The following MGST1 variants were observed in gnomAD, a reference collection of about 807,000 sequenced individuals.
MGST1 encodes the protein glutathione S-transferase 12.
MGST1 carries 5 observed loss-of-function variants against 8.9 expected under a neutral mutation model. That is an observed-to-expected ratio of 0.56 (90% CI 0.29 to 1.19). The LOEUF (loss-of-function observed/expected upper bound fraction) is 1.19. MGST1 is among the 50% of genes most tolerant of loss of function. MGST1 has a pLI of 0.08. For synonymous variants in MGST1, 54 were observed against 67.8 expected, an observed-to-expected ratio of 0.80 and a Z score of 1.00; for missense variants, 182 against 187.4, an observed-to-expected ratio of 0.97 and a Z score of 0.17.
At chr12:16,393,265 G>A (rs1207077435) in intron 1 of MGST1, among the ~76,000 whole-genome samples, 1 of 152,170 alleles carries the variant, frequency 6.6e-6, no homozygotes, top group Non-Finnish European at 1.5e-5. Context: ...TGGTAGGAGA[G>A]TTTTCCCCAA....
At chr12:16,570,824 G>A (rs1455693504) in intron 4 of MGST1, among the ~76,000 whole-genome samples, 1 of 152,064 alleles carries the variant, frequency 6.6e-6, no homozygotes, top group Middle Eastern at 3.2e-3. Flanking sequence ...GAATAGGTAA[G>A]GTATTATTTA....
At position 16,576,630 on chromosome 12, in the gene MGST1, C is replaced by G. The variant is rs1465758813; in HGVS notation, n.483-12898C>G. Reference sequence around the variant, plus strand: ...CACTACATAATAAGCTCCCTGAAAACTTGCCTTCTCCTTTACTCTGCACCT... The same window carrying G: ...CACTACATAATAAGCTCCCTGAAAAGTTGCCTTCTCCTTTACTCTGCACCT... On this transcript the variant is annotated intron_variant and non_coding_transcript_variant, in intron 4 of 4. Transcript: ENST00000538857. This position sits in a 1 kb window ranked among gnomAD's most constrained non-coding sequence, Gnocchi z 4.1. Among the ~76,000 whole-genome samples, 1 of 152,196 alleles carries G rather than the reference C, an allele frequency of 6.6e-6. No individual in the cohort carries two copies. The highest frequency in any genetic ancestry group is 2.4e-5 in the African/African-American group (1 of 41,446).
intron 4 of MGST1, among the ~76,000 whole-genome samples, chr12:16,577,467 AAT>A (rs1302947221): frequency 6.6e-6 from 1 of 152,032 alleles, no homozygotes; most frequent in Admixed American, 6.6e-5. Context: ...AGCATTCCTA[AAT>A]ATATTATTCT....
At chr12:16,437,336 G>A (rs774244115) in intron 1 of MGST1, 2 of 151,944 alleles carry the variant, frequency 1.3e-5, no homozygotes, top group African/African-American at 4.8e-5. Context: ...GAAGCATATG[G>A]TAAAGGTGCC....
At chr12:16,418,494 T>C (rs1486408704) in intron 1 of MGST1, among the ~76,000 whole-genome samples, 2 of 152,180 alleles carry the variant, frequency 1.3e-5, no homozygotes, top group Non-Finnish European at 2.9e-5. Flanking sequence ...TATTCTCTGA[T>C]AAAAAATTCA....
intron 1 of MGST1, among the ~76,000 whole-genome samples, chr12:16,427,556 A>G (rs780913957): frequency 2.0e-5 from 3 of 151,888 alleles, no homozygotes; most frequent in Non-Finnish European, 4.4e-5. Context: ...TAATTTTTGT[A>G]CTTTTAGTAG....
chr12:16,583,951 G>A (rs866037397), intron 4 of MGST1, among the ~76,000 whole-genome samples: 1 of 152,176 alleles, frequency 6.6e-6, no homozygotes, highest in Admixed American at 6.5e-5. Flanking sequence ...GCTATTACAA[G>A]TGAAACAGGA....
rs895310740 is a variant in MGST1, at chr12:16,559,485, T to C, written n.483-30043T>C. Among the ~76,000 whole-genome samples, 26 of 152,216 alleles carry C rather than the reference T, an allele frequency of 1.7e-4. No homozygotes were observed. The highest frequency in any genetic ancestry group is 6.3e-4 in the African/African-American group (26 of 41,460). ...GGTTTAAGATCGCACAGCTTATTAG[T>C]GGCAGAGCCCATATTAGAATTTAGG... On this transcript the variant is annotated intron_variant and non_coding_transcript_variant, in intron 4 of 4. Coordinates refer to the MGST1 transcript ENST00000538857. This position sits in a 1 kb window ranked among gnomAD's most constrained non-coding sequence, Gnocchi z 4.1.
Position 16,363,026 on chromosome 12 carries a change from G to A in MGST1, c.222-769G>A, listed in dbSNP as rs1940069934. On this transcript the variant is annotated intron_variant, in intron 3 of 3. Transcript: ENST00000396210. The surrounding 1 kb of genome is among the most constrained non-coding windows in gnomAD (Gnocchi z 4.6). The stretch of plus-strand genomic sequence containing the variant: ...TTCGGTCTTAGCCAGAGAAACCCAA[G>A]ATGCCACGGTTTGGAGCAAAACTGT... The A allele has an allele frequency of 6.6e-6, 1 of 152,150 alleles. No homozygotes were observed. The highest frequency in any genetic ancestry group is 2.4e-5 in the African/African-American group (1 of 41,444). The allele number at this position is 152,150 out of a possible 1,614,324, so 9.4% of individuals were successfully genotyped here. A position where few individuals can be genotyped will look rare whatever the true frequency, so the allele number is the denominator to read the frequency against.
intron 4 of MGST1, among the ~76,000 whole-genome samples, chr12:16,486,912 A>G (rs997853945): frequency 5.9e-5 from 9 of 152,158 alleles, no homozygotes; most frequent in African/African-American, 2.2e-4. Context: ...GACTCGCATT[A>G]CAGTTCTTGA....
intron 1 of MGST1, chr12:16,399,444 T>A (rs931797968): frequency 7.7e-5 from 119 of 1,546,038 alleles, no homozygotes; most frequent in Non-Finnish European, 6.4e-5. Flanking sequence ...TTTTCGGGCT[T>A]CTTCCTCCAG....
intron 4 of MGST1, among the ~76,000 whole-genome samples, chr12:16,465,729 CAATA>C (rs1941249278): frequency 1.3e-5 from 2 of 152,154 alleles, no homozygotes; most frequent in Admixed American, 1.3e-4. Flanking sequence ...ATAAAGTGCA[CAATA>C]AATGTAATGC....
downstream of MGST1, among the ~76,000 whole-genome samples, chr12:16,442,353 C>T (rs532827164): frequency 6.6e-5 from 10 of 151,806 alleles, no homozygotes; most frequent in African/African-American, 1.7e-4. This position sits in a 1 kb window ranked among gnomAD's most constrained non-coding sequence, Gnocchi z 4.5. Flanking sequence ...TTTCATGAAT[C>T]GTGCCTTTGG....
intron 1 of MGST1, among the ~76,000 whole-genome samples, chr12:16,395,811 A>ATATATG (rs1247749625): frequency 1.4e-5 from 2 of 141,402 alleles, no homozygotes; most frequent in African/African-American, 6.0e-5. Context: ...ATATACACAC[A>ATATATG]CACACACACA....
At chr12:16,357,465 C>A in intron 2 of MGST1, 140 bp from the exon 3 acceptor site, 2 of 634,312 alleles carry the variant, frequency 3.2e-6, no homozygotes, top group Middle Eastern at 2.8e-4. Flanking sequence ...TATGGGTACT[C>A]CCTATGTTGC....
intron 4 of MGST1, among the ~76,000 whole-genome samples, chr12:16,575,972 GAACTT>G (rs998961797): frequency 6.6e-6 from 1 of 152,066 alleles, no homozygotes; most frequent in African/African-American, 2.4e-5. Flanking sequence ...CACAGGTCTT[GAACTT>G]AACTTTGAAT....
At chr12:16,529,537 T>G (rs142849171) in intron 4 of MGST1, among the ~76,000 whole-genome samples, 2 of 152,204 alleles carry the variant, frequency 1.3e-5, no homozygotes, top group African/African-American at 2.4e-5. Context: ...TACCTGTCTT[T>G]ACAAATGAAA....
chr12:16,465,685 C>T (rs980266028), intron 4 of MGST1, among the ~76,000 whole-genome samples: 4 of 152,046 alleles, frequency 2.6e-5, no homozygotes, highest in Non-Finnish European at 4.4e-5. Flanking sequence ...TACATTATGG[C>T]GAGTATGTAA....
chr12:16,364,896 T>G (rs987646464), downstream of MGST1, among the ~76,000 whole-genome samples: 1 of 152,160 alleles, frequency 6.6e-6, no homozygotes, highest in Non-Finnish European at 1.5e-5. This position sits in a 1 kb window ranked among gnomAD's most constrained non-coding sequence, Gnocchi z 5.7. Flanking sequence ...AACCTTGACA[T>G]TTTTTGAAGA....
Sources: gnomAD v4.1 joint callset for allele counts (sites outside exome capture counted in the v4.1 genomes callset) on GRCh38, gnomAD v4.1.1 for gene constraint, Gnocchi (gnomAD v3.1) non-coding constraint, MANE v1.5 for transcripts, NCBI Gene and HGNC (gene_info 2026-07-23, HGNC 2026-07-21) for gene names.